The following ERCC4 variants were observed in gnomAD, a reference collection of about 807,000 sequenced individuals.
ERCC4 encodes the protein ERCC excision repair 4, endonuclease catalytic subunit.
A neutral mutation model predicts 76.9 loss-of-function variants in ERCC4; 65 were observed. That is an observed-to-expected ratio of 0.84 (90% CI 0.69 to 1.04). The LOEUF is 1.04. Among genes scored for constraint, ERCC4 ranks in the 50% least tolerant of loss-of-function variants. ERCC4 has a pLI of 0.00. For synonymous variants in ERCC4, 463 were observed against 410.1 expected, an observed-to-expected ratio of 1.13 and a Z score of -1.56; for missense variants, 1,214 against 1,128.2, an observed-to-expected ratio of 1.08 and a Z score of -1.09.
chr16:13,935,816 A>G, intron 8 of ERCC4, 73 bp downstream of exon 8: 6 of 1,125,530 alleles, frequency 5.3e-6, no homozygotes, highest in Non-Finnish European at 8.1e-6. Flanking sequence ...TACCAGTTGC[A>G]TGTTAGTTTT....
chr16:13,942,899 C>G (rs2032442835), intron 9 of ERCC4, among the ~76,000 whole-genome samples: 3 of 152,156 alleles, frequency 2.0e-5, no homozygotes, highest in Admixed American at 6.5e-5. Flanking sequence ...TTTGAATGGT[C>G]TGCCCTTTGT....
chr16:13,944,670 A>G, intron 9 of ERCC4, 53 bp from the exon 10 acceptor site: 1 of 1,186,218 alleles, frequency 8.4e-7, no homozygotes, highest in South Asian at 1.2e-5. Context: ...ACACAATAAA[A>G]TCTAGAATTT....
chr16:13,945,050 CAT>C (rs1216877420), intron 10 of ERCC4, among the ~76,000 whole-genome samples: 1 of 152,210 alleles, frequency 6.6e-6, no homozygotes, highest in Admixed American at 6.5e-5. Context: ...ATCTGCGAAT[CAT>C]GTGAGGTTGA....
chr16:13,940,491 G>A (rs1361567325), intron 9 of ERCC4, among the ~76,000 whole-genome samples: 1 of 152,188 alleles, frequency 6.6e-6, no homozygotes, highest in African/African-American at 2.4e-5. Flanking sequence ...CTCTCCCAGT[G>A]GAGTCACATG....
At chr16:13,929,131 T>C (rs1394436783) in intron 4 of ERCC4, among the ~76,000 whole-genome samples, 4 of 152,322 alleles carry the variant, frequency 2.6e-5, no homozygotes, top group South Asian at 2.1e-4. Context: ...AATGTGTATA[T>C]CCCTAGAAAA....
At chr16:13,922,340 C>T (rs2031994878) in intron 2 of ERCC4, 129 bp downstream of exon 2, 1 of 791,496 alleles carries the variant, frequency 1.3e-6, no homozygotes, top group Non-Finnish European at 2.2e-6. Context: ...CCCTACATCA[C>T]CTTTGGTAGG....
intron 2 of ERCC4, among the ~76,000 whole-genome samples, chr16:13,925,374 C>T (rs2032052963): frequency 6.6e-6 from 1 of 152,176 alleles, no homozygotes; most frequent in Non-Finnish European, 1.5e-5. Flanking sequence ...TGGGAAAACC[C>T]ACCAATTAGG....
chr16:13,930,867 A>G lies in ERCC4; in HGVS notation c.950A>G (p.Glu317Gly), dbSNP rs773938568. Residue 317 changes from glutamate to glycine, a missense_variant, in exon 5 of 11, where the codon GAA becomes GGA. Coordinates refer to ENST00000311895, the MANE Select transcript of ERCC4 (RefSeq NM_005236.3). ...CTTCTGGAATCTCTGAGAGCAACGGAAAAAGCTTTTGGTCAGAATTCAGGT... is the reference window on the plus strand; with the variant it reads ...CTTCTGGAATCTCTGAGAGCAACGGGAAAAGCTTTTGGTCAGAATTCAGGT... ...LNLLESLRATEKAFGQNSGWL... is the reference protein window; with the variant it reads ...LNLLESLRATGKAFGQNSGWL... 1.9e-6 allele frequency: 3 copies of G among 1,612,594 alleles called. No individual in the cohort carries two copies. The highest frequency in any genetic ancestry group is 2.5e-6 in the Non-Finnish European group (3 of 1,178,656).
At position 13,948,024 on chromosome 16, in the gene ERCC4, G is replaced by T. The variant is rs1326237288; in HGVS notation, c.2428G>T (p.Ala810Ser). The change falls in exon 11 of 11, where the codon GCG becomes TCG. Residue 810 changes from alanine (A) to serine (S), a missense_variant. By Grantham distance (99) the Ala-to-Ser change is moderately conservative. Transcript: ENST00000311895. Reference protein sequence around the residue: ...ILWCPSPHATAELFEELKQSK... With the variant: ...ILWCPSPHATSELFEELKQSK... ...CTGGTGCCCCTCTCCTCATGCAACG[G>T]CGGAGTTGTTTGAGGAGCTGAAACA... The T allele has an allele frequency of 6.2e-7, 1 of 1,613,968 alleles. No individual in the cohort carries two copies. Among genetic ancestry groups the T allele is most frequent in the Non-Finnish European group, 8.5e-7 (1 of 1,180,010 alleles).
Position 13,921,433 on chromosome 16 carries a change from C to T in ERCC4, c.208-598C>T, listed in dbSNP as rs150784099. ...CAGGTGGCCGGGAGAAAAATGTCAG[C>T]TGAGAAGAGTGACCACAGTCTCTTT... On this transcript the variant is annotated intron_variant, in intron 1 of 10. Transcript: ENST00000311895. 4.0e-3 allele frequency among the ~76,000 whole-genome samples: 610 copies of T among 152,236 alleles called. 3 individuals carry two copies. The highest frequency in any genetic ancestry group is 0.014 in the African/African-American group (572 of 41,534).
chr16:13,932,216 C>T lies in ERCC4; in HGVS notation c.1033C>T (p.His345Tyr), dbSNP rs1181017510. ...TATAAATGCTCGAGCAAGGGTTTAT[C>T]ATCTTCCAGATGCCAAAATGAGTAA... The part of the protein sequence containing the change: ...MFINARARVY[H>Y]LPDAKMSKKE... Residue 345 changes from histidine to tyrosine, a missense_variant, in exon 6 of 11, where the codon CAT (histidine) becomes TAT (tyrosine). By Grantham distance (83) the His-to-Tyr change is moderately conservative. Coordinates refer to ENST00000311895, the MANE Select transcript of ERCC4 (RefSeq NM_005236.3). 6.2e-7 allele frequency: 1 copy of T among 1,612,306 alleles called. No homozygotes were observed. The highest frequency in any genetic ancestry group is 2.2e-5 in the East Asian group (1 of 44,872).
Position 13,935,403 on chromosome 16 carries a change from A to G in ERCC4, c.1471A>G (p.Lys491Glu). 1 of 1,611,234 alleles carries G rather than the reference A, an allele frequency of 6.2e-7. No individual in the cohort carries two copies. Residue 491 changes from lysine (K) to glutamate (E), a missense_variant, in exon 8 of 11, where the codon AAG becomes GAG. Lys to Glu is a moderately conservative substitution (Grantham distance 56, BLOSUM62 1). Coordinates refer to ENST00000311895, the MANE Select transcript of ERCC4 (RefSeq NM_005236.3). Reference protein sequence around the residue: ...KERTLKKKKRKLTLTQMVGKP... With the variant: ...KERTLKKKKRELTLTQMVGKP... ...AAGAACCCTCAAAAAGAAAAAACGG[A>G]AGTTGACCTTAACTCAAATGGTAGG...
At chr16:13,925,422 G>A (rs188028866) in intron 2 of ERCC4, among the ~76,000 whole-genome samples, 218 of 152,240 alleles carry the variant, frequency 1.4e-3, no homozygotes, top group African/African-American at 4.7e-3. Flanking sequence ...AGTTATGTAC[G>A]TGTATTGGGG....
rs59785825 is a variant in ERCC4 at position 13,925,267 on chromosome 16, T to C, written c.389-1294T>C. On this transcript the variant is annotated intron_variant, in intron 2 of 10. Coordinates refer to ENST00000311895, the MANE Select transcript of ERCC4 (RefSeq NM_005236.3). The stretch of plus-strand genomic sequence containing the variant: ...TTTTGGAGCGCAACATTTTCTTAAA[T>C]TGAGTTTCTCCTTTTCTTTGGAAGT... Among the ~76,000 whole-genome samples, 487 of 152,362 alleles carry C rather than the reference T, an allele frequency of 3.2e-3. 6 individuals are homozygous for C. Among genetic ancestry groups the C allele is most frequent in the African/African-American group, 0.011 (455 of 41,592 alleles).
At chr16:13,944,254 T>TA (rs1458892618) in intron 9 of ERCC4, among the ~76,000 whole-genome samples, 3 of 152,228 alleles carry the variant, frequency 2.0e-5, no homozygotes, top group African/African-American at 7.2e-5. Flanking sequence ...CTGGAGTTTT[T>TA]AACATCAAAA....
At chr16:13,925,460 A>G (rs1196404809) in intron 2 of ERCC4, among the ~76,000 whole-genome samples, 2 of 152,228 alleles carry the variant, frequency 1.3e-5, no homozygotes, top group African/African-American at 4.8e-5. Context: ...TTGTCTATGA[A>G]TTCCTAAATA....
At chr16:13,920,676 A>G (rs368052706) in intron 1 of ERCC4, among the ~76,000 whole-genome samples, 8 of 152,138 alleles carry the variant, frequency 5.3e-5, no homozygotes, top group Admixed American at 4.6e-4. Flanking sequence ...GTTGAAGAAC[A>G]CTAAGAGGAA....
intron 9 of ERCC4, 92 bp downstream of exon 9, chr16:13,937,950 G>A: frequency 1.2e-6 from 1 of 835,578 alleles, no homozygotes; most frequent in Admixed American, 1.8e-5. Context: ...GAAGGATAGG[G>A]CAAGGAAGAC....
At chr16:13,922,272 A>C in intron 2 of ERCC4, 61 bp downstream of exon 2, 1 of 1,126,970 alleles carries the variant, frequency 8.9e-7, no homozygotes. Flanking sequence ...TTTAAGTACA[A>C]TTTCCATTTT....
Sources: allele counts gnomAD v4.1 joint callset (sites outside exome capture counted in the v4.1 genomes callset), GRCh38; gene constraint gnomAD v4.1.1; transcripts MANE v1.5; gene names NCBI Gene and HGNC (gene_info 2026-07-23, HGNC 2026-07-21).